The following PALM2AKAP2 variants were observed in gnomAD, a reference collection of about 807,000 sequenced individuals.
PALM2AKAP2 encodes PALM2 and AKAP2 fusion, also known as PALM2-AKAP2 fusion protein.
A neutral mutation model predicts 71.5 loss-of-function variants in PALM2AKAP2; 37 were observed. The ratio of observed to expected loss-of-function variants is 0.52; its 90% CI spans 0.40 to 0.68. The LOEUF (loss-of-function observed/expected upper bound fraction) is 0.68, where lower values mean the gene tolerates loss of function less well. Ranked by LOEUF, PALM2AKAP2 falls within the 30% of genes least tolerant of loss-of-function variation. The pLI, the probability that PALM2AKAP2 is intolerant of heterozygous loss-of-function variation, is 0.00. For missense variants in PALM2AKAP2, 1,224 were observed against 1,191.8 expected, an observed-to-expected ratio of 1.03 and a Z score of -0.40; for synonymous variants, 468 against 478.8, an observed-to-expected ratio of 0.98 and a Z score of 0.29.
intron 1 of PALM2AKAP2, among the ~76,000 whole-genome samples, chr9:109,859,896 A>C (rs1488493762): frequency 6.6e-6 from 1 of 152,250 alleles, no homozygotes; most frequent in Non-Finnish European, 1.5e-5. Context: ...AGAAAATCAC[A>C]TGCCAACTTA....
At chr9:109,747,722 T>C (rs1054984432) in intron 1 of PALM2AKAP2, among the ~76,000 whole-genome samples, 3 of 152,066 alleles carry the variant, frequency 2.0e-5, no homozygotes, top group Non-Finnish European at 4.4e-5. Flanking sequence ...CAGGTTGGAG[T>C]ACAGTGGCAT....
upstream of PALM2AKAP2, among the ~76,000 whole-genome samples, chr9:109,777,255 T>A (rs1829361743): frequency 6.6e-6 from 1 of 152,188 alleles, no homozygotes; most frequent in Admixed American, 6.5e-5. Flanking sequence ...TTCTTCCTCC[T>A]TCCCTACTTC....
chr9:110,168,256 C>T (rs1836782559), intron 3 of PALM2AKAP2, 143 bp from the exon 11 acceptor site: 1 of 941,794 alleles, frequency 1.1e-6, no homozygotes, highest in Admixed American at 3.5e-5. Context: ...CTTTTTCCAG[C>T]GTCTCTCCTA....
chr9:110,105,010 T>C (rs1835082287), intron 1 of PALM2AKAP2, among the ~76,000 whole-genome samples: 1 of 152,224 alleles, frequency 6.6e-6, no homozygotes, highest in Non-Finnish European at 1.5e-5. Flanking sequence ...AGTGGTATTA[T>C]TTCTTAGATT....
intron 1 of PALM2AKAP2, among the ~76,000 whole-genome samples, chr9:109,657,938 T>TTGTGTGTGTGTGTGTGTGTGTGTG (rs35984840): frequency 7.0e-6 from 1 of 142,440 alleles, no homozygotes; most frequent in Non-Finnish European, 1.5e-5. Context: ...TTGTGTGTGT[T>TTGTGTGTGTGTGTGTGTGTGTGTG]TGTGTGTGTG....
At chr9:109,850,112 G>A (rs1174891663) in intron 1 of PALM2AKAP2, among the ~76,000 whole-genome samples, 1 of 152,154 alleles carries the variant, frequency 6.6e-6, no homozygotes, top group East Asian at 1.9e-4. Flanking sequence ...CACTGAGCAA[G>A]ACCGAATAAG....
intron 1 of PALM2AKAP2, among the ~76,000 whole-genome samples, chr9:110,133,445 T>C (rs1835778562): frequency 6.6e-6 from 1 of 152,226 alleles, no homozygotes; most frequent in Non-Finnish European, 1.5e-5. Flanking sequence ...TTGCTGCTAA[T>C]TTCATTATGA....
chr9:110,087,833 G>A (rs1033701886), intron 1 of PALM2AKAP2, among the ~76,000 whole-genome samples: 3 of 152,190 alleles, frequency 2.0e-5, no homozygotes, highest in East Asian at 3.9e-4. Context: ...ACCTGAGATC[G>A]TAGAGGAGGG....
chr9:109,930,074 G>A (rs1002167586), intron 5 of PALM2AKAP2, among the ~76,000 whole-genome samples: 3 of 152,016 alleles, frequency 2.0e-5, no homozygotes, highest in African/African-American at 4.8e-5. Flanking sequence ...AGTGAGGGGT[G>A]CCTTCAACCA....
At chr9:110,157,222 T>C (rs902617752) in intron 3 of PALM2AKAP2, among the ~76,000 whole-genome samples, 4 of 152,114 alleles carry the variant, frequency 2.6e-5, no homozygotes, top group Non-Finnish European at 4.4e-5. Context: ...CTCCTGTGGG[T>C]CTTCTGGCAC....
intron 1 of PALM2AKAP2, among the ~76,000 whole-genome samples, chr9:109,751,440 T>C (rs1395698289): frequency 1.3e-5 from 2 of 152,124 alleles, no homozygotes; most frequent in African/African-American, 4.8e-5. Flanking sequence ...GTTTCTTTTG[T>C]TTGCTTTTCT....
chr9:110,168,086 A>G (rs1836779422), intron 3 of PALM2AKAP2, among the ~76,000 whole-genome samples: 1 of 152,190 alleles, frequency 6.6e-6, no homozygotes, highest in Non-Finnish European at 1.5e-5. Flanking sequence ...GCGTGTAGGG[A>G]TCTGCTTTAT....
intron 7 of PALM2AKAP2, among the ~76,000 whole-genome samples, chr9:110,025,752 T>C (rs1423577700): frequency 6.6e-6 from 1 of 152,222 alleles, no homozygotes; most frequent in Non-Finnish European, 1.5e-5. Flanking sequence ...GAGTCGTATG[T>C]CATTGTGGTT....
At chr9:110,124,921 CA>C (rs1835563625) in intron 1 of PALM2AKAP2, among the ~76,000 whole-genome samples, 1 of 152,018 alleles carries the variant, frequency 6.6e-6, no homozygotes, top group South Asian at 2.1e-4. Context: ...TGTCTGGTCT[CA>C]ATGATATTAA....
chr9:110,060,757 A>G (rs927145743), intron 1 of PALM2AKAP2, among the ~76,000 whole-genome samples: 2 of 151,922 alleles, frequency 1.3e-5, no homozygotes, highest in African/African-American at 2.4e-5. Context: ...ACATGCCACC[A>G]GGGCTAGCTA....
At chr9:109,919,765 G>GTATATATA (rs138804024) in intron 3 of PALM2AKAP2, among the ~76,000 whole-genome samples, 3 of 150,606 alleles carry the variant, frequency 2.0e-5, no homozygotes, top group East Asian at 3.9e-4. Flanking sequence ...GTGTGTGTGT[G>GTATATATA]TATATATGTA....
At chr9:110,008,369 C>G (rs1832820773) in intron 6 of PALM2AKAP2, among the ~76,000 whole-genome samples, 3 of 151,792 alleles carry the variant, frequency 2.0e-5, no homozygotes, top group African/African-American at 7.3e-5. Flanking sequence ...AAGTATGAGC[C>G]ATTCAAGACC....
intron 6 of PALM2AKAP2, among the ~76,000 whole-genome samples, chr9:110,011,756 A>G (rs1352453731): frequency 5.3e-5 from 8 of 152,124 alleles, no homozygotes; most frequent in African/African-American, 1.9e-4. Context: ...TTTCTCCAAG[A>G]TTCTTAGCAT....
chr9:109,724,182 T>C (rs1587883142), intron 1 of PALM2AKAP2, among the ~76,000 whole-genome samples: 1 of 152,126 alleles, frequency 6.6e-6, no homozygotes, highest in African/African-American at 2.4e-5. Flanking sequence ...AAAATTAAAA[T>C]GTGCAAGATG....
Sources: allele counts gnomAD v4.1 joint callset (sites outside exome capture counted in the v4.1 genomes callset), GRCh38; gene constraint gnomAD v4.1.1; transcripts MANE v1.5; gene names NCBI Gene and HGNC (gene_info 2026-07-23, HGNC 2026-07-21).